TMEM108: variants seen among roughly 807,000 people sequenced by gnomAD.
TMEM108 encodes the protein cancer/testis antigen 124.
In TMEM108, 12 loss-of-function variants were observed where a neutral mutation model predicts 35.1. That is an observed-to-expected ratio of 0.34 (90% CI 0.22 to 0.55). TMEM108 has a LOEUF of 0.55. TMEM108 is among the 20% of genes least tolerant of loss of function. The pLI is 0.89. For missense variants in TMEM108, 680 were observed against 753.3 expected, an observed-to-expected ratio of 0.90 and a Z score of 1.14; for synonymous variants, 287 against 308.6, an observed-to-expected ratio of 0.93 and a Z score of 0.73.
At chr3:133,092,292 G>GT (rs1319030803) in intron 2 of TMEM108, among the ~76,000 whole-genome samples, 2 of 152,220 alleles carry the variant, frequency 1.3e-5, no homozygotes, top group Non-Finnish European at 2.9e-5. Flanking sequence ...ACATTGATTA[G>GT]TTGGTATACC....
chr3:133,270,143 TTC>T, intron 3 of TMEM108, among the ~76,000 whole-genome samples: 1 of 152,292 alleles, frequency 6.6e-6, no homozygotes, highest in East Asian at 1.9e-4. Context: ...GATTTTGCAG[TTC>T]TCCCCTCCCC....
chr3:133,115,404 A>G (rs1379170043), intron 2 of TMEM108, among the ~76,000 whole-genome samples: 3 of 152,234 alleles, frequency 2.0e-5, no homozygotes, highest in Admixed American at 6.5e-5. Context: ...ACGTGGAACT[A>G]TTTAATCCTT....
At chr3:133,331,678 C>A (rs2071395172) in intron 3 of TMEM108, among the ~76,000 whole-genome samples, 1 of 152,176 alleles carries the variant, frequency 6.6e-6, no homozygotes, top group Admixed American at 6.5e-5. Context: ...AGGACCCGTA[C>A]TGATTATCAT....
At chr3:133,173,485 T>C (rs1410106043) in intron 2 of TMEM108, among the ~76,000 whole-genome samples, 1 of 152,234 alleles carries the variant, frequency 6.6e-6, no homozygotes, top group East Asian at 1.9e-4. Flanking sequence ...TTAAGTTTTT[T>C]TGACTTATGG....
intron 2 of TMEM108, among the ~76,000 whole-genome samples, chr3:133,125,832 G>T (rs1944408493): frequency 6.6e-6 from 1 of 152,050 alleles, no homozygotes; most frequent in Admixed American, 6.6e-5. Context: ...TTCTTATGTG[G>T]TTTCTTTTTG....
chr3:133,286,549 C>G (rs1186159121), intron 3 of TMEM108, among the ~76,000 whole-genome samples: 1 of 152,122 alleles, frequency 6.6e-6, no homozygotes, highest in Non-Finnish European at 1.5e-5. Context: ...GTTGCCTAGG[C>G]AGGCCTCAAA....
At chr3:133,330,881 A>C (rs16840226) in intron 3 of TMEM108, among the ~76,000 whole-genome samples, 51,798 of 152,012 alleles carry the variant, frequency 0.34, 9,171 homozygotes, top group East Asian at 0.48. Context: ...CCTCAAAACA[A>C]AGCATTAGAA....
intron 2 of TMEM108, among the ~76,000 whole-genome samples, chr3:133,103,327 G>GC (rs1332884939): frequency 6.6e-6 from 1 of 152,148 alleles, no homozygotes; most frequent in African/African-American, 2.4e-5. Context: ...GCAAACTAAT[G>GC]CAAGAACAGA....
At chr3:133,234,499 C>A (rs1946203854) in intron 3 of TMEM108, among the ~76,000 whole-genome samples, 1 of 152,078 alleles carries the variant, frequency 6.6e-6, no homozygotes, top group African/African-American at 2.4e-5. Context: ...AAGACAAAAA[C>A]CACATGATTA....
At chr3:133,333,550 A>G (rs577073576) in intron 3 of TMEM108, among the ~76,000 whole-genome samples, 1 of 152,200 alleles carries the variant, frequency 6.6e-6, no homozygotes, top group Non-Finnish European at 1.5e-5. Context: ...AAAATAAATA[A>G]ACAATAAAGG....
intron 3 of TMEM108, among the ~76,000 whole-genome samples, chr3:133,377,384 AC>A (rs1388521716): frequency 1.3e-4 from 20 of 152,144 alleles, no homozygotes; most frequent in African/African-American, 4.3e-4. Flanking sequence ...CACCAGAATA[AC>A]CCTGAGCAGG....
At chr3:133,275,223 A>C (rs1318534911) in intron 3 of TMEM108, among the ~76,000 whole-genome samples, 2 of 152,146 alleles carry the variant, frequency 1.3e-5, no homozygotes, top group African/African-American at 2.4e-5. Context: ...TTTTTTCCTT[A>C]GATACTCTTT....
chr3:133,182,861 T>C (rs1945367102), intron 2 of TMEM108, among the ~76,000 whole-genome samples: 1 of 152,236 alleles, frequency 6.6e-6, no homozygotes, highest in Admixed American at 6.5e-5. Context: ...GCATTCTCAC[T>C]GTACTGTCCA....
At chr3:133,365,979 TG>T (rs1233215455) in intron 3 of TMEM108, among the ~76,000 whole-genome samples, 1 of 151,254 alleles carries the variant, frequency 6.6e-6, no homozygotes, top group Non-Finnish European at 1.5e-5. Flanking sequence ...GACAGAGAAG[TG>T]GGGGAGTATG....
chr3:133,190,563 A>G (rs1201882837), intron 2 of TMEM108, among the ~76,000 whole-genome samples: 1 of 152,230 alleles, frequency 6.6e-6, no homozygotes, highest in African/African-American at 2.4e-5. Flanking sequence ...ACCCTTTAAG[A>G]TGGTGGAACC....
chr3:133,301,292 G>A (rs1441577395), intron 3 of TMEM108, among the ~76,000 whole-genome samples: 2 of 152,132 alleles, frequency 1.3e-5, no homozygotes, highest in African/African-American at 4.8e-5. Flanking sequence ...TGTATTCCAT[G>A]AGTCACAGGC....
At chr3:133,083,098 A>G (rs1377259269) in intron 2 of TMEM108, among the ~76,000 whole-genome samples, 1 of 152,166 alleles carries the variant, frequency 6.6e-6, no homozygotes, top group Non-Finnish European at 1.5e-5. Context: ...ATTTGAGCCC[A>G]GCAAGTCTGT....
chr3:133,222,296 CA>C (rs1946004057), intron 2 of TMEM108, among the ~76,000 whole-genome samples: 1 of 152,090 alleles, frequency 6.6e-6, no homozygotes, highest in Non-Finnish European at 1.5e-5. Context: ...TTTGGAACTC[CA>C]TTTTATGTTA....
intron 2 of TMEM108, among the ~76,000 whole-genome samples, chr3:133,186,957 C>G (rs1390283765): frequency 6.6e-6 from 1 of 152,082 alleles, no homozygotes; most frequent in Non-Finnish European, 1.5e-5. Context: ...TTCTGTCAGT[C>G]AGAAAACCAG....
Sources: allele counts gnomAD v4.1 joint callset (sites outside exome capture counted in the v4.1 genomes callset), GRCh38; gene constraint gnomAD v4.1.1; transcripts MANE v1.5; gene names NCBI Gene and HGNC (gene_info 2026-07-23, HGNC 2026-07-21).